ARL9: variants seen among roughly 807,000 people sequenced by gnomAD.
ARL9 encodes ADP-ribosylation factor-like protein 9.
Under a neutral mutation model 27.0 loss-of-function variants are expected in ARL9, and 14 were observed. The ratio of observed to expected loss-of-function variants is 0.52; its 90% CI spans 0.34 to 0.81. The LOEUF is 0.81. Among genes scored for constraint, ARL9 ranks in the 30% least tolerant of loss-of-function variants. ARL9 has a pLI of 0.01. For missense variants in ARL9, 294 were observed against 290.0 expected (o/e 1.01, Z -0.10); for synonymous variants, 106 against 108.7 (o/e 0.98, Z 0.15).
In ARL9 at chr4:56,511,243, T is replaced by G. The variant is rs1261333282; in HGVS notation, c.338T>G (p.Leu113Arg). The G allele has an allele frequency of 1.6e-5, 26 of 1,613,584 alleles. No individual in the cohort carries two copies. Among genetic ancestry groups the G allele is most frequent in the Non-Finnish European group, 1.9e-5 (23 of 1,179,654 alleles). The change falls in exon 2 of 4, where the codon CTG becomes CGG. Residue 113 changes from leucine to arginine, a missense_variant. Coordinates refer to ENST00000640821, the MANE Select transcript of ARL9 (RefSeq NM_001363794.2). ...GATGGAGCAGGAAAAACCAGTGTCCTGCACTCTCTAGCTTCAAACAGAGTC... is the reference window on the plus strand; with the variant it reads ...GATGGAGCAGGAAAAACCAGTGTCCGGCACTCTCTAGCTTCAAACAGAGTC... Reference protein sequence around the residue: ...GLDGAGKTSVLHSLASNRVQH... With the variant: ...GLDGAGKTSVRHSLASNRVQH...
chr4:56,519,991 C>T (rs867704855), intron 3 of ARL9, among the ~76,000 whole-genome samples: 2 of 151,218 alleles, frequency 1.3e-5, no homozygotes, highest in Non-Finnish European at 1.5e-5. Context: ...TACAGGCATG[C>T]GCCACCACTC....
chr4:56,511,262 CAG>C lies in ARL9; in HGVS notation c.360_361del (p.Arg120SerfsTer19), dbSNP rs778146415. 3.1e-5 allele frequency: 50 copies of C among 1,613,770 alleles called. No individual in the cohort carries two copies. In the Admixed American group the frequency reaches 8.0e-4, roughly 26 times the overall value. On this transcript the variant is annotated frameshift_variant, in exon 2 of 4. Coordinates refer to ENST00000640821, the MANE Select transcript of ARL9 (RefSeq NM_001363794.2). LOFTEE classifies it high-confidence loss of function. Reference sequence around the variant, plus strand: ...GTGTCCTGCACTCTCTAGCTTCAAACAGAGTCCAGCACAGTGTGGCACCCACC... The same window carrying C: ...GTGTCCTGCACTCTCTAGCTTCAAACAGTCCAGCACAGTGTGGCACCCACC... ...TSVLHSLASN[R>X]VQHSVAPTQG...
chr4:56,505,621 G>C, upstream of ARL9: 1 of 619,404 alleles, frequency 1.6e-6, no homozygotes, highest in Non-Finnish European at 2.8e-6. Flanking sequence ...CCATCCGTAC[G>C]CCTCCGCCCT....
intron 2 of ARL9, among the ~76,000 whole-genome samples, chr4:56,517,695 A>G (rs1721802278): frequency 6.6e-6 from 1 of 152,218 alleles, no homozygotes; most frequent in South Asian, 2.1e-4. Context: ...TAGGACAAAA[A>G]TAAAATCCAT....
chr4:56,513,746 G>A (rs1334877825), intron 2 of ARL9, among the ~76,000 whole-genome samples: 1 of 152,154 alleles, frequency 6.6e-6, no homozygotes, highest in Non-Finnish European at 1.5e-5. Context: ...AAATAGGAAA[G>A]AACTAACTAA....
At chr4:56,515,593 T>C (rs183382337) in intron 2 of ARL9, among the ~76,000 whole-genome samples, 339 of 152,292 alleles carry the variant, frequency 2.2e-3, no homozygotes, top group Non-Finnish European at 3.8e-3. Context: ...GATATAATTG[T>C]CTTCAAAGAA....
chr4:56,518,010 C>CT (rs896711056), intron 2 of ARL9, among the ~76,000 whole-genome samples: 43 of 150,830 alleles, frequency 2.9e-4, no homozygotes, highest in African/African-American at 9.0e-4. Flanking sequence ...TTTTTCTTTT[C>CT]TTTTTTTTTA....
At chr4:56,519,856 G>A (rs988569674) in intron 3 of ARL9, among the ~76,000 whole-genome samples, 8 of 151,710 alleles carry the variant, frequency 5.3e-5, no homozygotes, top group African/African-American at 1.9e-4. Context: ...CATGCAAAGG[G>A]ATTTTTTTTT....
intron 3 of ARL9, among the ~76,000 whole-genome samples, chr4:56,521,914 A>G (rs1578215813): frequency 6.6e-6 from 1 of 151,810 alleles, no homozygotes; most frequent in Non-Finnish European, 1.5e-5. Context: ...CTGGTGGCTT[A>G]TCATTTTACT....
chr4:56,519,466 C>T (rs910989191), intron 3 of ARL9, among the ~76,000 whole-genome samples: 5 of 151,960 alleles, frequency 3.3e-5, no homozygotes, highest in South Asian at 2.1e-4. Flanking sequence ...AAAGATTAGC[C>T]GGGCTTAGTG....
At chr4:56,505,626 C>T, upstream of ARL9, 1 of 639,166 alleles carries the variant, frequency 1.6e-6, no homozygotes, top group Non-Finnish European at 2.6e-6. Flanking sequence ...CGTACGCCTC[C>T]GCCCTTCCCT....
upstream of ARL9, chr4:56,505,324 G>C (rs980377834): frequency 2.2e-6 from 1 of 455,098 alleles, no homozygotes. Flanking sequence ...GACATGAGCA[G>C]TACAGGCTCA....
Position 56,523,715 on chromosome 4 carries a change from C to A in ARL9, c.637C>A (p.His213Asn), listed in dbSNP as rs192409324. 1 of 1,613,190 alleles carries A rather than the reference C, an allele frequency of 6.2e-7. No homozygotes were observed. The highest frequency in any genetic ancestry group is 1.1e-5 in the South Asian group (1 of 90,934). ...ANKQDLEAAY[H>N]ITDIHEALAL... ...GATGAAGGATCTTGAAGCAGCCTAT[C>A]ACATTACAGATATCCATGAAGCTTT... Residue 213 changes from histidine (H) to asparagine (N), a missense_variant, in exon 4 of 4, where the codon CAC (histidine) becomes AAC (asparagine). Coordinates refer to ENST00000640821, the MANE Select transcript of ARL9 (RefSeq NM_001363794.2).
At chr4:56,517,582 C>G (rs1174445866) in intron 2 of ARL9, among the ~76,000 whole-genome samples, 1 of 150,800 alleles carries the variant, frequency 6.6e-6, no homozygotes, top group Non-Finnish European at 1.5e-5. Flanking sequence ...TTTTTTTTCT[C>G]CAAAATTTAG....
chr4:56,518,688 T>G lies in ARL9; in HGVS notation c.453T>G (p.Ser151Arg). The change falls in exon 3 of 4, where the codon AGT becomes AGG. Residue 151 changes from serine (S) to arginine (R), a missense_variant. Ser to Arg is a moderately radical substitution (Grantham distance 110). Coordinates refer to ENST00000640821, the MANE Select transcript of ARL9 (RefSeq NM_001363794.2). Reference sequence around the variant, plus strand: ...TACTATTCTCTGTAGTTGGTGGCAGTAAACCTTTTCGGTCCTACTGGGAAA... The same window carrying G: ...TACTATTCTCTGTAGTTGGTGGCAGGAAACCTTTTCGGTCCTACTGGGAAA... ...SQMEFLEIGG[S>R]KPFRSYWEMY... The G allele has an allele frequency of 1.2e-6, 2 of 1,612,830 alleles. No individual in the cohort carries two copies. The highest frequency in any genetic ancestry group is 1.7e-6 in the Non-Finnish European group (2 of 1,179,162).
chr4:56,513,850 A>G (rs1297674485), intron 2 of ARL9, among the ~76,000 whole-genome samples: 2 of 152,100 alleles, frequency 1.3e-5, no homozygotes, highest in Admixed American at 1.3e-4. Context: ...AAGCCCCCCA[A>G]TATTCTCATA....
intron 1 of ARL9, chr4:56,506,702 T>G (rs1721471619): frequency 1.0e-6 from 1 of 985,126 alleles, no homozygotes. Flanking sequence ...AGCTGAATGG[T>G]CTCTGTGCTC....
chr4:56,507,470 G>A (rs1370302801), intron 1 of ARL9, among the ~76,000 whole-genome samples: 1 of 151,420 alleles, frequency 6.6e-6, no homozygotes, highest in Non-Finnish European at 1.5e-5. Context: ...GCACACCGCC[G>A]TGCCTAGCTA....
intron 1 of ARL9, among the ~76,000 whole-genome samples, chr4:56,507,021 C>T (rs1721485845): frequency 6.6e-6 from 1 of 152,150 alleles, no homozygotes; most frequent in Non-Finnish European, 1.5e-5. Context: ...ATCTCAAACT[C>T]CTGGGCTCCA....
Sources: allele counts gnomAD v4.1 joint callset (sites outside exome capture counted in the v4.1 genomes callset), GRCh38; gene constraint gnomAD v4.1.1; transcripts MANE v1.5; gene names NCBI Gene and HGNC (gene_info 2026-07-23, HGNC 2026-07-21).